Variants in USP40 observed in about 807,000 individuals in gnomAD.
The protein encoded by USP40 is ubiquitin carboxyl-terminal hydrolase 40.
Under a neutral mutation model 166.2 loss-of-function variants are expected in USP40, and 143 were observed. The observed-to-expected ratio is 0.86, with a 90% CI of 0.75 to 0.99. USP40 has a LOEUF of 0.99. Ranked by LOEUF, USP40 falls within the 50% of genes least tolerant of loss-of-function variation. USP40 has a pLI of 0.00. For synonymous variants in USP40, 498 were observed against 524.0 expected (o/e 0.95, Z 0.68); for missense variants, 1,444 against 1,479.7 (o/e 0.98, Z 0.40).
chr2:233,550,367 G>A (rs886817937), intron 7 of USP40, among the ~76,000 whole-genome samples: 2 of 151,892 alleles, frequency 1.3e-5, no homozygotes, highest in Admixed American at 1.3e-4. Flanking sequence ...AAAATCATGT[G>A]ACAAACTATC....
At position 233,556,886 on chromosome 2, in the gene USP40, C is replaced by T. The variant is rs892527129; in HGVS notation, c.515G>A (p.Cys172Tyr). The change falls in exon 5 of 32, where the codon TGT becomes TAT. Residue 172 changes from cysteine (C) to tyrosine (Y), a missense_variant. Transcript: ENST00000678225. The stretch of plus-strand genomic sequence containing the variant: ...CTCGCTAACGTTCTTACATTCTTTA[C>T]AAACAATCTGGTTAACAATGGTTCC... Reference protein sequence around the residue: ...YHGTIVNQIVCKECKNVSERQ... With the variant: ...YHGTIVNQIVYKECKNVSERQ... 13 of 1,612,446 alleles carry T rather than the reference C, an allele frequency of 8.1e-6. No homozygotes were observed. The highest frequency in any genetic ancestry group is 1.1e-5 in the Non-Finnish European group (13 of 1,179,524).
intron 21 of USP40, among the ~76,000 whole-genome samples, chr2:233,509,832 A>ACT (rs1365998988): frequency 7.5e-6 from 1 of 132,950 alleles, no homozygotes; most frequent in South Asian, 2.4e-4. Flanking sequence ...CAGAGTTGAG[A>ACT]CTCTCTAAAA....
intron 10 of USP40, among the ~76,000 whole-genome samples, chr2:233,536,501 A>AT (rs1436334148): frequency 6.6e-6 from 1 of 152,198 alleles, no homozygotes; most frequent in Non-Finnish European, 1.5e-5. Context: ...AATACAAAGA[A>AT]TTAGCTGGGT....
chr2:233,536,537 G>C (rs2068947879), intron 10 of USP40, among the ~76,000 whole-genome samples: 2 of 152,214 alleles, frequency 1.3e-5, no homozygotes, highest in Non-Finnish European at 2.9e-5. Context: ...AGTAATCTCA[G>C]CTACTCGGGA....
intron 2 of USP40, among the ~76,000 whole-genome samples, chr2:233,564,281 C>T (rs1191777879): frequency 1.3e-5 from 2 of 152,218 alleles, no homozygotes; most frequent in South Asian, 2.1e-4. Context: ...ACATGGCAAA[C>T]CAGATAGGAT....
intron 4 of USP40, among the ~76,000 whole-genome samples, chr2:233,558,046 G>T: frequency 7.1e-6 from 1 of 140,840 alleles, no homozygotes; most frequent in Non-Finnish European, 1.5e-5. Flanking sequence ...AAGAGCAGCA[G>T]ATAAAGTGGA....
intron 10 of USP40, among the ~76,000 whole-genome samples, chr2:233,534,269 G>A (rs1160687153): frequency 2.6e-5 from 4 of 152,078 alleles, no homozygotes; most frequent in Non-Finnish European, 5.9e-5. Context: ...TCTAAAAGCT[G>A]GCAGACAAGC....
rs1161753076 is a variant in USP40 at position 233,489,592 on chromosome 2, A to C, written c.3013-109T>G. On this transcript the variant is annotated intron_variant, in intron 26 of 31. Transcript: ENST00000678225. The stretch of plus-strand genomic sequence containing the variant: ...CTACACAGTGGCATCTCAAGGAAAG[A>C]GTATCTCAAGTAATGATAACATCAT... The C allele has an allele frequency of 1.1e-5, 9 of 810,448 alleles. No homozygotes were observed. The African/African-American group carries it at 1.6e-4, about 14-fold the overall frequency. The allele number at this position is 810,448 out of a possible 1,614,324, so 50.2% of individuals were successfully genotyped here.
intron 13 of USP40, among the ~76,000 whole-genome samples, chr2:233,526,501 T>G (rs1490168682): frequency 3.9e-5 from 6 of 152,050 alleles, no homozygotes; most frequent in Non-Finnish European, 7.4e-5. Context: ...TCAAATCAAC[T>G]AAGGTTAAAA....
chr2:233,559,516 A>C (rs2071389866), intron 4 of USP40, among the ~76,000 whole-genome samples: 1 of 152,210 alleles, frequency 6.6e-6, no homozygotes, highest in African/African-American at 2.4e-5. Flanking sequence ...GTTGTATCTC[A>C]ACTAGACTAC....
chr2:233,485,712 C>A lies in USP40; in HGVS notation c.3408+55G>T, dbSNP rs548840895. On this transcript the variant is annotated intron_variant, in intron 29 of 31. Coordinates refer to ENST00000678225, the MANE Select transcript of USP40 (RefSeq NM_001365479.2). ...TCTATCACTGTGAAAAATTGCATAACCTCATTGCTATGCCGGTAAGCCCCA... is the reference window on the plus strand; with the variant it reads ...TCTATCACTGTGAAAAATTGCATAAACTCATTGCTATGCCGGTAAGCCCCA... The A allele has an allele frequency of 1.3e-4, 207 of 1,604,000 alleles. No individual in the cohort carries two copies. In the East Asian group the frequency reaches 3.6e-3, roughly 28 times the overall value.
At chr2:233,552,999 C>T (rs973109946) in intron 6 of USP40, among the ~76,000 whole-genome samples, 1 of 152,088 alleles carries the variant, frequency 6.6e-6, no homozygotes, top group Non-Finnish European at 1.5e-5. Flanking sequence ...CTCATCACAT[C>T]ACCCACAGCA....
rs1310970541 is a variant in USP40 at position 233,489,443 on chromosome 2, G to T, written c.3053C>A (p.Ser1018Tyr). ...CGTCCAGGCTCTGAGGTGGGCTGGG[G>T]ACGGGACACCGAACTCCAGGAAAGG... ...LPPFLEFGVPSPAHLRAWTVE... is the reference protein window; with the variant it reads ...LPPFLEFGVPYPAHLRAWTVE... Residue 1018 changes from serine (S) to tyrosine (Y), a missense_variant, in exon 27 of 32, where the codon TCC becomes TAC. Physicochemically the swap from Ser to Tyr is moderately radical, Grantham distance 144. Coordinates refer to ENST00000678225, the MANE Select transcript of USP40 (RefSeq NM_001365479.2). 1 of 1,608,052 alleles carries T rather than the reference G, an allele frequency of 6.2e-7. No individual in the cohort carries two copies. The highest frequency in any genetic ancestry group is 8.5e-7 in the Non-Finnish European group (1 of 1,177,442).
At chr2:233,540,930 T>A (rs538315213) in intron 9 of USP40, among the ~76,000 whole-genome samples, 161 bp from the exon 10 acceptor site, 158 of 152,352 alleles carry the variant, frequency 1.0e-3, no homozygotes, top group African/African-American at 3.5e-3. Context: ...AAAAGTTTTT[T>A]AAAAACTGGT....
intron 5 of USP40, among the ~76,000 whole-genome samples, chr2:233,556,279 AAATTTCCAATTTCT>A (rs1039228993): frequency 8.8e-6 from 1 of 114,192 alleles, no homozygotes; most frequent in Non-Finnish European, 2.1e-5. Flanking sequence ...TTACATGAGC[AAATTTCCAATTTCT>A]AATTTCCAAT....
At chr2:233,507,551 G>A (rs189686006) in intron 21 of USP40, among the ~76,000 whole-genome samples, 1 of 151,622 alleles carries the variant, frequency 6.6e-6, no homozygotes, top group Non-Finnish European at 1.5e-5. Flanking sequence ...AAGACATCAT[G>A]TTAAGTGAAC....
At chr2:233,565,327 G>T in intron 2 of USP40, 29 bp downstream of exon 2, 1 of 1,453,062 alleles carries the variant, frequency 6.9e-7, no homozygotes, top group Non-Finnish European at 9.3e-7. Flanking sequence ...GGTACATATT[G>T]CTAGTTAAAT....
At chr2:233,527,798 C>A (rs572367373) in intron 12 of USP40, among the ~76,000 whole-genome samples, 1 of 152,150 alleles carries the variant, frequency 6.6e-6, no homozygotes, top group African/African-American at 2.4e-5. Context: ...TTAACATAGG[C>A]TGCAATGTTA....
At chr2:233,490,756 T>C (rs1400957901) in intron 26 of USP40, among the ~76,000 whole-genome samples, 2 of 152,040 alleles carry the variant, frequency 1.3e-5, no homozygotes, top group African/African-American at 4.8e-5. Flanking sequence ...AAAGCTGGAG[T>C]TCTAACCTCC....
Sources: allele counts gnomAD v4.1 joint callset (sites outside exome capture counted in the v4.1 genomes callset), GRCh38; gene constraint gnomAD v4.1.1; transcripts MANE v1.5; gene names NCBI Gene and HGNC (gene_info 2026-07-23, HGNC 2026-07-21).